The following CUL5 variants were observed in gnomAD, a reference collection of about 807,000 sequenced individuals.
CUL5 encodes cullin 5.
CUL5 carries 26 observed loss-of-function variants against 108.8 expected under a neutral mutation model. The ratio of observed to expected loss-of-function variants is 0.24; its 90% CI spans 0.18 to 0.33. The LOEUF (loss-of-function observed/expected upper bound fraction) is 0.33, where lower values mean the gene tolerates loss of function less well. Among genes scored for constraint, CUL5 ranks in the 10% least tolerant of loss-of-function variants. CUL5 has a pLI of 1.00. For synonymous variants in CUL5, 334 were observed against 298.0 expected (o/e 1.12, Z -1.25); for missense variants, 524 against 909.2 (o/e 0.58, Z 5.45).
chr11:108,070,041 T>C, intron 7 of CUL5, 55 bp from the exon 8 acceptor site: 1 of 1,076,412 alleles, frequency 9.3e-7, no homozygotes, highest in Non-Finnish European at 1.4e-6. Flanking sequence ...TGAGTTAGAA[T>C]AGATTTGTGC....
At chr11:108,017,977 T>C (rs1462086004) in intron 1 of CUL5, among the ~76,000 whole-genome samples, 2 of 152,260 alleles carry the variant, frequency 1.3e-5, no homozygotes, top group African/African-American at 4.8e-5. Flanking sequence ...CATGTTGACA[T>C]TTCAGCCAGA....
chr11:108,092,649 C>A (rs1864388130), intron 13 of CUL5, among the ~76,000 whole-genome samples: 1 of 152,042 alleles, frequency 6.6e-6, no homozygotes, highest in African/African-American at 2.4e-5. Context: ...TAGGCAAATC[C>A]ACAAATTCCA....
intron 7 of CUL5, among the ~76,000 whole-genome samples, chr11:108,056,146 G>A (rs1463132776): frequency 2.0e-5 from 3 of 152,136 alleles, no homozygotes; most frequent in Non-Finnish European, 4.4e-5. Flanking sequence ...TTTACGTGGA[G>A]GACTGACCTT....
chr11:108,041,872 G>A (rs549821475), intron 2 of CUL5, among the ~76,000 whole-genome samples: 8 of 152,222 alleles, frequency 5.3e-5, no homozygotes, highest in South Asian at 2.1e-4. Context: ...GATTATAGGC[G>A]TGAACCACCG....
At chr11:108,020,930 C>G (rs1862313201) in intron 1 of CUL5, among the ~76,000 whole-genome samples, 1 of 152,218 alleles carries the variant, frequency 6.6e-6, no homozygotes, top group African/African-American at 2.4e-5. Context: ...AGGCTCCATT[C>G]ATGGTGAGTG....
chr11:108,102,190 T>G (rs1864690058), intron 18 of CUL5, among the ~76,000 whole-genome samples: 1 of 151,966 alleles, frequency 6.6e-6, no homozygotes, highest in African/African-American at 2.4e-5. Context: ...CTGAGCTATT[T>G]TTTGTATTTT....
At chr11:108,034,065 T>C (rs1008918846) in intron 2 of CUL5, among the ~76,000 whole-genome samples, 154 bp downstream of exon 2, 1 of 152,110 alleles carries the variant, frequency 6.6e-6, no homozygotes, top group African/African-American at 2.4e-5. Flanking sequence ...CTCCCAGGTA[T>C]GATGATTTGC....
intron 2 of CUL5, among the ~76,000 whole-genome samples, chr11:108,041,395 A>T (rs1862907319): frequency 6.7e-6 from 1 of 150,014 alleles, no homozygotes; most frequent in African/African-American, 2.5e-5. Flanking sequence ...CTCCTGCCTC[A>T]GCCTCCCAAG....
intron 4 of CUL5, among the ~76,000 whole-genome samples, chr11:108,052,089 C>T (rs1250686009): frequency 2.0e-5 from 3 of 152,194 alleles, no homozygotes; most frequent in African/African-American, 7.2e-5. Context: ...CCTCAGCCTC[C>T]CAAGTAGCTG....
At chr11:108,094,360 T>A (rs1864435795) in intron 13 of CUL5, 31 bp from the exon 14 acceptor site, 1 of 1,512,366 alleles carries the variant, frequency 6.6e-7, no homozygotes, top group African/African-American at 1.4e-5. Context: ...ATGTATTTAT[T>A]ACCTCTTCCT....
intron 18 of CUL5, 44 bp downstream of exon 18, chr11:108,098,573 G>GTTTT: frequency 2.9e-5 from 31 of 1,062,820 alleles, no homozygotes; most frequent in African/African-American, 5.3e-5. Flanking sequence ...AAAAACTTTA[G>GTTTT]TTTTTTTTTT....
In CUL5 at chr11:108,073,466, A is replaced by G; in HGVS notation, c.1082A>G (p.Asp361Gly). The G allele has an allele frequency of 6.3e-7, 1 of 1,587,028 alleles. No individual in the cohort carries two copies. The highest frequency in any genetic ancestry group is 8.6e-7 in the Non-Finnish European group (1 of 1,161,772). The change falls in exon 10 of 19, where the codon GAT becomes GGT. Residue 361 changes from aspartate (D) to glycine (G), a missense_variant. Asp to Gly is a moderately conservative substitution (Grantham distance 94). This residue lies in a region of CUL5 where 76 missense variants were observed against 168.3 expected (regional missense o/e 0.45). Transcript: ENST00000393094. ...AAACTCGTCAAAGAAGCTTTTCAAG[A>G]TGATCCACGATTTCTTACTGCAAGA... ...FSKLVKEAFQDDPRFLTARDK... is the reference protein window; with the variant it reads ...FSKLVKEAFQGDPRFLTARDK...
At chr11:108,104,079 T>C in intron 18 of CUL5, 111 bp from the exon 19 acceptor site, 1 of 623,876 alleles carries the variant, frequency 1.6e-6, no homozygotes, top group Non-Finnish European at 2.8e-6. Context: ...ATTATTCATT[T>C]GGGTAGATGT....
At chr11:108,044,342 C>T (rs941870315) in intron 2 of CUL5, among the ~76,000 whole-genome samples, 1 of 151,486 alleles carries the variant, frequency 6.6e-6, no homozygotes, top group East Asian at 1.9e-4. Flanking sequence ...ATAGGGAGAC[C>T]GTGTCTCTAC....
chr11:108,071,871 AT>A (rs567570092), intron 8 of CUL5, among the ~76,000 whole-genome samples: 4 of 151,564 alleles, frequency 2.6e-5, no homozygotes, highest in Admixed American at 6.6e-5. Flanking sequence ...TTTTAATTCG[AT>A]TTTTTTTTAA....
intron 11 of CUL5, among the ~76,000 whole-genome samples, chr11:108,080,554 C>A (rs1864053893): frequency 6.6e-6 from 1 of 152,146 alleles, no homozygotes; most frequent in African/African-American, 2.4e-5. Context: ...TGCCACCACG[C>A]CCAGCTAATT....
chr11:108,058,842 A>G (rs912289281), intron 7 of CUL5, among the ~76,000 whole-genome samples: 3 of 152,176 alleles, frequency 2.0e-5, no homozygotes, highest in Non-Finnish European at 2.9e-5. Flanking sequence ...AATAAGCTTG[A>G]TTATCACTCG....
intron 7 of CUL5, among the ~76,000 whole-genome samples, chr11:108,063,070 C>A (rs534819267): frequency 4.7e-4 from 71 of 152,256 alleles, no homozygotes; most frequent in African/African-American, 1.7e-3. Context: ...GTCTCGAACT[C>A]CTGACCTCAG....
In CUL5 at chr11:108,104,445, TA is replaced by T. The variant is rs1864742166; in HGVS notation, c.*64del. ...TTTGGAGTGCTTGGGCAGAAAGTTGTAAAGTTTGTGCTGGAGAAAGGTTTAT... is the reference window on the plus strand; with the variant it reads ...TTTGGAGTGCTTGGGCAGAAAGTTGTAAGTTTGTGCTGGAGAAAGGTTTAT... On this transcript the variant is annotated 3_prime_UTR_variant, in exon 19 of 19. Transcript: ENST00000393094. The T allele has an allele frequency of 1.9e-6, 2 of 1,071,188 alleles. No homozygotes were observed. Among genetic ancestry groups the T allele is most frequent in the African/African-American group, 3.3e-5 (2 of 60,432 alleles). 66.4% of individuals were successfully genotyped at this position (1,071,188 alleles called of 1,614,324 possible).
Sources: gnomAD v4.1 joint callset for allele counts (sites outside exome capture counted in the v4.1 genomes callset) on GRCh38, gnomAD v4.1.1 for gene constraint, gnomAD v4.1.1 regional missense constraint, MANE v1.5 for transcripts, NCBI Gene and HGNC (gene_info 2026-07-23, HGNC 2026-07-21) for gene names.